POLA1: variants seen among roughly 807,000 people sequenced by gnomAD.
The protein encoded by POLA1 is DNA polymerase alpha 1, catalytic subunit.
Under a neutral mutation model 124.0 loss-of-function variants are expected in POLA1, and 15 were observed. The observed-to-expected ratio is 0.12, with a 90% CI of 0.08 to 0.19. The LOEUF is 0.19. Among genes scored for constraint, POLA1 ranks in the 10% least tolerant of loss-of-function variants. The probability of loss-of-function intolerance (pLI) is 1.00; values close to 1 mark genes in which losing one functional copy is unlikely to be tolerated. For missense variants in POLA1, 886 were observed against 1,103.4 expected, an observed-to-expected ratio of 0.80 and a Z score of 2.79; for synonymous variants, 408 against 389.4, an observed-to-expected ratio of 1.05 and a Z score of -0.56.
At chrX:24,824,658 G>A (rs2046144179) in intron 31 of POLA1, among the ~76,000 whole-genome samples, 1 of 109,167 alleles carries the variant, frequency 9.2e-6, no homozygotes, top group Non-Finnish European at 1.9e-5. Flanking sequence ...ATACGACATA[G>A]CAAAACCTGT....
intron 36 of POLA1, among the ~76,000 whole-genome samples, chrX:24,937,493 T>C (rs7888643): frequency 0.042 from 4,690 of 111,889 alleles, 238 homozygotes; most frequent in African/African-American, 0.14. Context: ...TAAAATGTTA[T>C]AGAGAATGTT....
intron 34 of POLA1, among the ~76,000 whole-genome samples, chrX:24,853,309 C>T (rs1461824878): frequency 8.9e-6 from 1 of 111,997 alleles, no homozygotes; most frequent in African/African-American, 3.2e-5. Context: ...TTTTTTGTCA[C>T]TACACCAAAT....
chrX:24,930,089 C>T (rs968396123), intron 35 of POLA1, among the ~76,000 whole-genome samples: 4 of 111,991 alleles, frequency 3.6e-5, no homozygotes, highest in African/African-American at 1.3e-4. Context: ...TTCCTGCTAG[C>T]ATGGACAGGG....
intron 36 of POLA1, among the ~76,000 whole-genome samples, chrX:24,975,901 G>A (rs1444951088): frequency 8.9e-6 from 1 of 112,504 alleles, no homozygotes; most frequent in East Asian, 2.8e-4. Flanking sequence ...AGCAGTAGAC[G>A]TCAAGGATGT....
intron 35 of POLA1, among the ~76,000 whole-genome samples, chrX:24,914,114 C>T (rs754040913): frequency 3.6e-5 from 4 of 110,115 alleles, no homozygotes; most frequent in Non-Finnish European, 1.9e-5. Flanking sequence ...CTCAGCTCCT[C>T]GTGAGGCTGA....
At chrX:24,935,771 A>C (rs1233901132) in intron 36 of POLA1, among the ~76,000 whole-genome samples, 2 of 112,318 alleles carry the variant, frequency 1.8e-5, no homozygotes, top group Admixed American at 1.9e-4. Context: ...GCCCCTTTTA[A>C]GGTACTTCAT....
chrX:24,942,524 G>A (rs1009929385), intron 36 of POLA1, among the ~76,000 whole-genome samples: 4 of 111,884 alleles, frequency 3.6e-5, no homozygotes, highest in Admixed American at 9.5e-5. Flanking sequence ...AGTTTGAGAC[G>A]AAGTTTTGCC....
intron 26 of POLA1, among the ~76,000 whole-genome samples, chrX:24,751,433 C>T (rs1200373675): frequency 8.9e-6 from 1 of 112,043 alleles, no homozygotes; most frequent in Non-Finnish European, 1.9e-5. Flanking sequence ...ACCCTGTTCT[C>T]TCCACTAAAA....
chrX:24,816,630 A>C (rs1310580813), intron 30 of POLA1, among the ~76,000 whole-genome samples: 1 of 111,686 alleles, frequency 9.0e-6, no homozygotes, highest in African/African-American at 3.3e-5. Context: ...ACGACTTAAG[A>C]CTTCTTTTGG....
chrX:24,887,053 A>T (rs928660755), intron 34 of POLA1, among the ~76,000 whole-genome samples: 1 of 111,888 alleles, frequency 8.9e-6, no homozygotes, highest in Non-Finnish European at 1.9e-5. Flanking sequence ...ACCTCACTCT[A>T]ACATTTGCCT....
chrX:24,867,127 T>C (rs185789392), intron 34 of POLA1, among the ~76,000 whole-genome samples: 120 of 111,668 alleles, frequency 1.1e-3, no homozygotes, highest in Non-Finnish European at 2.0e-3. Context: ...TGTTTTGACA[T>C]TTATAATTTT....
intron 6 of POLA1, 45 bp from the exon 7 acceptor site, chrX:24,716,317 G>A (rs1353192047): frequency 8.8e-6 from 6 of 682,370 alleles, no homozygotes; most frequent in Non-Finnish European, 1.4e-5. Flanking sequence ...TTCTGTCTGT[G>A]GTAAACCAAG....
chrX:24,739,644 A>G, intron 20 of POLA1, 94 bp downstream of exon 20: 1 of 527,727 alleles, frequency 1.9e-6, no homozygotes. Flanking sequence ...GACATGAGCC[A>G]GTGGTGTTGT....
chrX:24,705,924 G>A (rs1328188355), intron 4 of POLA1, among the ~76,000 whole-genome samples: 1 of 112,143 alleles, frequency 8.9e-6, no homozygotes, highest in Non-Finnish European at 1.9e-5. Flanking sequence ...GGCATATGAC[G>A]TCACTTGTAC....
At chrX:24,720,891 C>G (rs1332044551) in intron 10 of POLA1, among the ~76,000 whole-genome samples, 4 of 112,255 alleles carry the variant, frequency 3.6e-5, no homozygotes. Context: ...TGGTCACTAG[C>G]CACATTTCAG....
At chrX:24,847,987 A>G (rs2046498287) in intron 34 of POLA1, among the ~76,000 whole-genome samples, 1 of 111,790 alleles carries the variant, frequency 8.9e-6, no homozygotes, top group African/African-American at 3.2e-5. Context: ...TCTGCATTTC[A>G]GTATATGCCT....
Position 24,723,244 on chromosome X carries a change from C to G in POLA1, c.1177C>G (p.Leu393Val), listed in dbSNP as rs759354857. ...CATGGTGAAAAATATCGAGCGAACG[C>G]TTTACTTCCTTCCCCGTGAAATGGT... ...CVMVKNIERT[L>V]YFLPREMKID... The change falls in exon 11 of 37, where the codon CTT becomes GTT. Residue 393 changes from leucine to valine, a missense_variant. Physicochemically the swap from Leu to Val is conservative, Grantham distance 32. Coordinates refer to ENST00000379068, the MANE Select transcript of POLA1 (RefSeq NM_001330360.2). The G allele has an allele frequency of 1.7e-6, 2 of 1,183,223 alleles. No individual in the cohort carries two copies. The highest frequency in any genetic ancestry group is 5.9e-5 in the East Asian group (2 of 33,747).
intron 34 of POLA1, among the ~76,000 whole-genome samples, chrX:24,861,922 T>A (rs1039238154): frequency 1.4e-4 from 16 of 112,131 alleles, no homozygotes; most frequent in African/African-American, 4.9e-4. Flanking sequence ...TCTTTAAAAA[T>A]TTGTTTTATG....
chrX:24,829,834 T>G (rs930944933), intron 32 of POLA1, among the ~76,000 whole-genome samples: 3 of 111,890 alleles, frequency 2.7e-5, no homozygotes, highest in African/African-American at 9.7e-5. Context: ...GGCATAAAAT[T>G]ACTGTAATTT....
Sources: gnomAD v4.1 joint callset for allele counts (sites outside exome capture counted in the v4.1 genomes callset) on GRCh38, gnomAD v4.1.1 for gene constraint, MANE v1.5 for transcripts, NCBI Gene and HGNC (gene_info 2026-07-23, HGNC 2026-07-21) for gene names.